Variants in DYNC2H1 observed in about 807,000 individuals in gnomAD.
DYNC2H1 encodes the protein dynein cytoplasmic 2 heavy chain 1.
Under a neutral mutation model 570.0 loss-of-function variants are expected in DYNC2H1, and 410 were observed. The observed-to-expected ratio is 0.72, with a 90% CI of 0.66 to 0.78. The LOEUF is 0.78. Ranked by LOEUF, DYNC2H1 falls within the 30% of genes least tolerant of loss-of-function variation. The probability of loss-of-function intolerance (pLI) is 0.00; values close to 1 mark genes in which losing one functional copy is unlikely to be tolerated. For synonymous variants in DYNC2H1, 1,688 were observed against 1,677.6 expected, an observed-to-expected ratio of 1.01 and a Z score of -0.15; for missense variants, 4,865 against 5,046.4, an observed-to-expected ratio of 0.96 and a Z score of 1.09.
intron 47 of DYNC2H1, among the ~76,000 whole-genome samples, chr11:103,197,053 G>C (rs1304528659): frequency 1.3e-5 from 2 of 152,060 alleles, no homozygotes; most frequent in Non-Finnish European, 1.5e-5. Flanking sequence ...GACTTTCCTT[G>C]TATGGTAACA....
In DYNC2H1 at chr11:103,328,018, C is replaced by T. The variant is rs140068545; in HGVS notation, c.12039+4028C>T. On this transcript the variant is annotated intron_variant, in intron 82 of 88. Coordinates refer to ENST00000375735, the MANE Select transcript of DYNC2H1 (RefSeq NM_001377.3). ...GAAGATAGACGCCCATGTTGTTTAC[C>T]CAGATTGTCCTGATTCAACCCAGAC... 3.7e-3 allele frequency among the ~76,000 whole-genome samples: 563 copies of T among 152,234 alleles called. 2 individuals carry two copies. Among genetic ancestry groups the T allele is most frequent in the Non-Finnish European group, 6.6e-3 (450 of 68,004 alleles).
rs915130559 is a variant in DYNC2H1, at chr11:103,326,909, C to T, written c.12039+2919C>T. Among the ~76,000 whole-genome samples, 2 of 152,340 alleles carry T rather than the reference C, an allele frequency of 1.3e-5. No individual in the cohort carries two copies. Among genetic ancestry groups the T allele is most frequent in the African/African-American group, 2.4e-5 (1 of 41,570 alleles). On this transcript the variant is annotated intron_variant, in intron 82 of 88. Transcript: ENST00000375735. The surrounding 1 kb of genome is among the most constrained non-coding windows in gnomAD (Gnocchi z 6.1). Reference sequence around the variant, plus strand: ...TGTCCTGCACACAAAAGCTCCTGAGCTCCACAGCAGCTGAAGCACTGTTTC... The same window carrying T: ...TGTCCTGCACACAAAAGCTCCTGAGTTCCACAGCAGCTGAAGCACTGTTTC...
At chr11:103,316,806 A>C (rs537479923) in intron 80 of DYNC2H1, among the ~76,000 whole-genome samples, 186 bp downstream of exon 80, 1 of 151,996 alleles carries the variant, frequency 6.6e-6, no homozygotes, top group African/African-American at 2.4e-5. Context: ...CTGTTTTTAC[A>C]TGGATTCTTC....
At chr11:103,335,107 T>C (rs1939046515) in intron 82 of DYNC2H1, among the ~76,000 whole-genome samples, 1 of 152,196 alleles carries the variant, frequency 6.6e-6, no homozygotes, top group East Asian at 1.9e-4. Context: ...TCAATGTCCC[T>C]TATTTTGTCA....
rs776464068 is a variant in DYNC2H1, at chr11:103,181,761, G to A, written c.6352G>A (p.Glu2118Lys). Residue 2118 changes from glutamate to lysine, a missense_variant, in exon 40 of 89, where the codon GAA (glutamate) becomes AAA (lysine). Coordinates refer to ENST00000375735, the MANE Select transcript of DYNC2H1 (RefSeq NM_001377.3). This position sits in a 1 kb window ranked among gnomAD's most constrained non-coding sequence, Gnocchi z 5.0. ...SRMGMIFLSD[E>K]ETDLNSLIKS... ...TATTTGTCTAAACTGTTTCAGTGAT[G>A]AAGAGACAGATCTTAATTCTCTGAT... 3.2e-6 allele frequency: 5 copies of A among 1,557,798 alleles called. No individual in the cohort carries two copies. The South Asian group carries it at 5.9e-5, about 18-fold the overall frequency.
Position 103,299,038 on chromosome 11 carries a change from T to C in DYNC2H1, c.11096-4055T>C, listed in dbSNP as rs1866946990. ...TCTTACTTCTGTAATTCTGATATAA[T>C]TTTGACTTAAAATGACTATCATGAG... On this transcript the variant is annotated intron_variant, in intron 75 of 88. Coordinates refer to ENST00000375735, the MANE Select transcript of DYNC2H1 (RefSeq NM_001377.3). The surrounding 1 kb of genome is among the most constrained non-coding windows in gnomAD (Gnocchi z 4.5). Among the ~76,000 whole-genome samples, 1 of 152,144 alleles carries C rather than the reference T, an allele frequency of 6.6e-6. No individual in the cohort carries two copies. The highest frequency in any genetic ancestry group is 2.1e-4 in the South Asian group (1 of 4,830).
In DYNC2H1 at chr11:103,170,108, G is replaced by A. The variant is rs1861508859; in HGVS notation, c.4969G>A (p.Gly1657Ser). 1 of 1,609,258 alleles carries A rather than the reference G, an allele frequency of 6.2e-7. No homozygotes were observed. The highest frequency in any genetic ancestry group is 1.3e-5 in the African/African-American group (1 of 74,748). The change falls in exon 33 of 89, where the codon GGT (glycine) becomes AGT (serine). Residue 1657 changes from glycine to serine, a missense_variant and splice_region_variant. Transcript: ENST00000375735. The surrounding 1 kb of genome is among the most constrained non-coding windows in gnomAD (Gnocchi z 4.8). ...CTGACTTTGTGTTGTTCTTGTATAG[G>A]GTAATGCTTCCAAACTGGTTTATAC... ...SEFQYTYEYQ[G>S]NASKLVYTPL...
At chr11:103,360,501 C>A (rs1940586967) in intron 83 of DYNC2H1, among the ~76,000 whole-genome samples, 1 of 152,094 alleles carries the variant, frequency 6.6e-6, no homozygotes, top group African/African-American at 2.4e-5. Flanking sequence ...TAGTGTCTGG[C>A]ATATGTAAGC....
At chr11:103,335,941 A>G (rs1418303051) in intron 82 of DYNC2H1, among the ~76,000 whole-genome samples, 1 of 152,170 alleles carries the variant, frequency 6.6e-6, no homozygotes, top group Non-Finnish European at 1.5e-5. Context: ...ATCTTTAGAA[A>G]GTTACTAAAC....
intron 84 of DYNC2H1, chr11:103,407,587 G>A (rs1307054371): frequency 3.3e-5 from 5 of 151,948 alleles, no homozygotes; most frequent in Admixed American, 2.6e-4. Flanking sequence ...GTAAAAACAG[G>A]TAGTTACAAG....
chr11:103,396,090 A>G (rs1202448048), intron 83 of DYNC2H1, among the ~76,000 whole-genome samples: 1 of 152,204 alleles, frequency 6.6e-6, no homozygotes, highest in Non-Finnish European at 1.5e-5. Flanking sequence ...TATAATCTGG[A>G]AAAAATACCT....
intron 12 of DYNC2H1, among the ~76,000 whole-genome samples, chr11:103,127,524 T>C (rs1859061427): frequency 6.6e-6 from 1 of 152,226 alleles, no homozygotes; most frequent in African/African-American, 2.4e-5. Context: ...TTTTTACATG[T>C]ATTAGTGGAA....
rs1360720882 is a variant in DYNC2H1, at chr11:103,369,591, G to A, written c.12156+11232G>A. ...TTGAGGAGAGGAGGGTAAAAAGTGGGGAGGATTTTGTCTTGCATCTTGGAT... is the reference window on the plus strand; with the variant it reads ...TTGAGGAGAGGAGGGTAAAAAGTGGAGAGGATTTTGTCTTGCATCTTGGAT... On this transcript the variant is annotated intron_variant, in intron 83 of 88. Coordinates refer to ENST00000375735, the MANE Select transcript of DYNC2H1 (RefSeq NM_001377.3). This position sits in a 1 kb window ranked among gnomAD's most constrained non-coding sequence, Gnocchi z 4.0. Among the ~76,000 whole-genome samples the A allele has an allele frequency of 1.3e-5, 2 of 152,130 alleles. No homozygotes were observed. The highest frequency in any genetic ancestry group is 4.8e-5 in the African/African-American group (2 of 41,432).
At chr11:103,379,238 C>T (rs1941537070) in intron 83 of DYNC2H1, among the ~76,000 whole-genome samples, 1 of 152,190 alleles carries the variant, frequency 6.6e-6, no homozygotes, top group Non-Finnish European at 1.5e-5. Context: ...TAAAGTGCCC[C>T]AACACTTTCT....
chr11:103,121,216 C>T (rs1473171182), intron 9 of DYNC2H1, among the ~76,000 whole-genome samples, 156 bp from the exon 10 acceptor site: 2 of 151,966 alleles, frequency 1.3e-5, no homozygotes, highest in South Asian at 2.1e-4. Flanking sequence ...TATTATAATT[C>T]GCTGTTTCAT....
At position 103,321,206 on chromosome 11, in the gene DYNC2H1, C is replaced by G. The variant is rs1335936507; in HGVS notation, c.11903C>G (p.Ser3968Cys). The G allele has an allele frequency of 5.0e-6, 8 of 1,609,988 alleles. No homozygotes were observed. In the Admixed American group the frequency reaches 8.4e-5, roughly 17 times the overall value. The change falls in exon 81 of 89, where the codon TCC (serine) becomes TGC (cysteine). Residue 3968 changes from serine to cysteine, a missense_variant. Ser to Cys is a moderately radical substitution (Grantham distance 112). This residue lies in a region of DYNC2H1 where 2,401 missense variants were observed against 2,454.6 expected (regional missense o/e 0.98). Transcript: ENST00000375735. ...AACAAGAAAAGCATTTTTCCATATT[C>G]CGTATCTCTACCACAATCCTGCAGC... is the stretch of plus-strand genomic sequence containing the variant. ...QRNKKSIFPY[S>C]VSLPQSCSIL...
At chr11:103,109,809 T>G in intron 1 of DYNC2H1, 40 bp downstream of exon 1, 1 of 1,579,694 alleles carries the variant, frequency 6.3e-7, no homozygotes, top group Non-Finnish European at 8.6e-7. Context: ...CTGACCACTC[T>G]TCAAGTCCCC....
intron 50 of DYNC2H1, among the ~76,000 whole-genome samples, chr11:103,200,384 T>A (rs1200308157): frequency 6.6e-6 from 1 of 152,128 alleles, no homozygotes; most frequent in Non-Finnish European, 1.5e-5. Flanking sequence ...TGGTGAATAT[T>A]CAGAAAAATT....
At chr11:103,234,974 T>C (rs1430869328) in intron 61 of DYNC2H1, among the ~76,000 whole-genome samples, 2 of 150,994 alleles carry the variant, frequency 1.3e-5, no homozygotes, top group African/African-American at 4.8e-5. Context: ...TTGCAAATAT[T>C]CTTTATATTT....
Sources: allele counts gnomAD v4.1 joint callset (sites outside exome capture counted in the v4.1 genomes callset), GRCh38; gene constraint gnomAD v4.1.1; regional missense constraint gnomAD v4.1.1; non-coding constraint Gnocchi (gnomAD v3.1); transcripts MANE v1.5; gene names NCBI Gene and HGNC (gene_info 2026-07-23, HGNC 2026-07-21).